The following RAB31 variants were observed in gnomAD, a reference collection of about 807,000 sequenced individuals.
The protein encoded by RAB31 is RAB31, member RAS oncogene family, also known as ras-related protein Rab-31.
Under a neutral mutation model 25.6 loss-of-function variants are expected in RAB31, and 21 were observed. That is an observed-to-expected ratio of 0.82 (90% CI 0.58 to 1.18). RAB31 has a LOEUF of 1.18. RAB31 is among the 50% of genes most tolerant of loss of function. The pLI is 0.00. For missense variants in RAB31, 196 were observed against 250.1 expected, an observed-to-expected ratio of 0.78 and a Z score of 1.46; for synonymous variants, 87 against 84.0, an observed-to-expected ratio of 1.04 and a Z score of -0.20.
intron 3 of RAB31, among the ~76,000 whole-genome samples, chr18:9,812,766 T>C (rs1413545951): frequency 1.4e-5 from 2 of 142,136 alleles, no homozygotes; most frequent in Non-Finnish European, 3.0e-5. Flanking sequence ...TTTGCAATCT[T>C]AGCTCACTGC....
intron 2 of RAB31, among the ~76,000 whole-genome samples, chr18:9,784,203 AT>A (rs34471682): frequency 9.4e-5 from 14 of 148,916 alleles, no homozygotes; most frequent in Middle Eastern, 6.9e-3. Flanking sequence ...TGCCTGGCTG[AT>A]TTTTTTTTTT....
chr18:9,817,426 A>C (rs1264942278), intron 5 of RAB31, among the ~76,000 whole-genome samples: 2 of 152,172 alleles, frequency 1.3e-5, no homozygotes, highest in African/African-American at 4.8e-5. Context: ...GTAAAAACAG[A>C]ACTGCCCTCA....
intron 3 of RAB31, among the ~76,000 whole-genome samples, chr18:9,812,472 C>CT (rs915544108): frequency 3.4e-3 from 511 of 151,968 alleles, no homozygotes; most frequent in African/African-American, 0.012. Flanking sequence ...TTCCCAAACC[C>CT]ACACCAACAC....
chr18:9,710,122 A>G (rs1348895937), intron 1 of RAB31, among the ~76,000 whole-genome samples: 1 of 152,174 alleles, frequency 6.6e-6, no homozygotes, highest in East Asian at 1.9e-4. Flanking sequence ...ACAGGTCTCT[A>G]TGTCCTCCTA....
intron 3 of RAB31, among the ~76,000 whole-genome samples, chr18:9,800,866 G>A (rs914271907): frequency 2.0e-5 from 3 of 151,998 alleles, no homozygotes; most frequent in East Asian, 1.9e-4. Flanking sequence ...ACGCACCTTG[G>A]TGGGTTCTGA....
At chr18:9,841,640 C>T (rs781519862) in intron 5 of RAB31, among the ~76,000 whole-genome samples, 6 of 151,506 alleles carry the variant, frequency 4.0e-5, no homozygotes, top group African/African-American at 7.3e-5. Context: ...ATGGGCTGAG[C>T]AGAGGGGATT....
At chr18:9,745,889 C>T (rs1243264421) in intron 1 of RAB31, among the ~76,000 whole-genome samples, 6 of 152,148 alleles carry the variant, frequency 3.9e-5, no homozygotes, top group Admixed American at 1.3e-4. Flanking sequence ...CCACTTTCAC[C>T]GTGGCTGTTC....
intron 1 of RAB31, among the ~76,000 whole-genome samples, chr18:9,749,312 G>T (rs1476939426): frequency 6.6e-6 from 1 of 151,750 alleles, no homozygotes; most frequent in African/African-American, 2.4e-5. Context: ...TCTAAGGGAG[G>T]TGCTACCATT....
chr18:9,776,743 G>C (rs572371327), intron 2 of RAB31, among the ~76,000 whole-genome samples: 1 of 152,206 alleles, frequency 6.6e-6, no homozygotes, highest in East Asian at 1.9e-4. Flanking sequence ...TCACATGCAG[G>C]GGGCTGTGTT....
chr18:9,719,139 G>A (rs867825508), intron 1 of RAB31, among the ~76,000 whole-genome samples: 5 of 150,138 alleles, frequency 3.3e-5, no homozygotes, highest in Admixed American at 6.7e-5. Flanking sequence ...GCGTGGTGGC[G>A]TGCGCCTATA....
At position 9,745,749 on chromosome 18, in the gene RAB31, C is replaced by T. The variant is rs758959152; in HGVS notation, c.40-29529C>T. 2.4e-4 allele frequency among the ~76,000 whole-genome samples: 37 copies of T among 152,120 alleles called. 1 individual carries two copies. The highest frequency in any genetic ancestry group is 2.6e-4 in the Admixed American group (4 of 15,260). The stretch of plus-strand genomic sequence containing the variant: ...ATTCCAACACTCTTTCATGATGAAA[C>T]CACTCAGGAAACTAGAGATAGAGGG... On this transcript the variant is annotated intron_variant, in intron 1 of 6. Transcript: ENST00000578921.
intron 5 of RAB31, chr18:9,844,666 T>C (rs1414639681): frequency 6.6e-6 from 1 of 152,240 alleles, no homozygotes. Flanking sequence ...TGCTGGAGAA[T>C]AGGAACTGCA....
At chr18:9,851,928 A>C (rs944404330) in intron 6 of RAB31, among the ~76,000 whole-genome samples, 1 of 151,300 alleles carries the variant, frequency 6.6e-6, no homozygotes, top group African/African-American at 2.4e-5. Flanking sequence ...CATATTTCAT[A>C]ATATATTTCA....
chr18:9,711,680 A>G (rs1325436084), intron 1 of RAB31, among the ~76,000 whole-genome samples: 1 of 152,198 alleles, frequency 6.6e-6, no homozygotes, highest in African/African-American at 2.4e-5. Context: ...TGTGGCTGGC[A>G]TTCAGCTTCC....
At chr18:9,764,941 TTTTC>T (rs145117730) in intron 1 of RAB31, among the ~76,000 whole-genome samples, 13,356 of 151,586 alleles carry the variant, frequency 0.088, 634 homozygotes, top group South Asian at 0.19. Flanking sequence ...GAACCCACCT[TTTTC>T]TTTCTTTCTT....
At chr18:9,763,421 C>A (rs1353543705) in intron 1 of RAB31, among the ~76,000 whole-genome samples, 1 of 151,840 alleles carries the variant, frequency 6.6e-6, no homozygotes, top group African/African-American at 2.4e-5. Context: ...TTTAAAAATT[C>A]ATCAAGGAAT....
intron 1 of RAB31, among the ~76,000 whole-genome samples, chr18:9,739,010 T>A (rs1474276341): frequency 1.3e-5 from 2 of 152,190 alleles, no homozygotes; most frequent in Admixed American, 6.5e-5. Context: ...AAGCATTTTG[T>A]GTTGTGAGAG....
intron 1 of RAB31, among the ~76,000 whole-genome samples, chr18:9,730,822 C>T (rs1408772394): frequency 2.0e-5 from 3 of 152,156 alleles, no homozygotes; most frequent in African/African-American, 4.8e-5. Flanking sequence ...CATTCATTTC[C>T]GTAAGCCTCT....
intron 6 of RAB31, 117 bp from the exon 7 acceptor site, chr18:9,859,111 G>A (rs1396271951): frequency 3.9e-6 from 3 of 773,822 alleles, no homozygotes; most frequent in Non-Finnish European, 6.3e-6. Context: ...GCCCCTCCAG[G>A]AACACCTTTA....
Sources: allele counts gnomAD v4.1 joint callset (sites outside exome capture counted in the v4.1 genomes callset), GRCh38; gene constraint gnomAD v4.1.1; transcripts MANE v1.5; gene names NCBI Gene and HGNC (gene_info 2026-07-23, HGNC 2026-07-21).